Variants in ITGB3BP observed in about 807,000 individuals in gnomAD.
ITGB3BP encodes centromere protein R.
ITGB3BP carries 27 observed loss-of-function variants against 29.1 expected under a neutral mutation model. The observed-to-expected ratio is 0.93, with a 90% CI of 0.68 to 1.28. The LOEUF (loss-of-function observed/expected upper bound fraction) is 1.28, where lower values mean the gene tolerates loss of function less well. Ranked by LOEUF, ITGB3BP falls within the 50% of genes most tolerant of loss-of-function variation. The pLI is 0.00. For missense variants in ITGB3BP, 192 were observed against 200.2 expected (o/e 0.96, Z 0.25); for synonymous variants, 61 against 61.4 (o/e 0.99, Z 0.03).
At chr1:63,524,405 G>T (rs760638168), upstream of ITGB3BP, among the ~76,000 whole-genome samples, 30 of 152,080 alleles carry the variant, frequency 2.0e-4, no homozygotes, top group Non-Finnish European at 3.2e-4. Context: ...TCAGGCAGGC[G>T]GCCTGCGTAT....
At chr1:63,484,851 C>A (rs549237817) in intron 3 of ITGB3BP, among the ~76,000 whole-genome samples, 34 of 151,916 alleles carry the variant, frequency 2.2e-4, no homozygotes, top group Non-Finnish European at 4.4e-4. Context: ...TCAGTTTCTC[C>A]CTTGTTATCC....
chr1:63,472,244 A>G (rs897928733), intron 4 of ITGB3BP, among the ~76,000 whole-genome samples: 2 of 151,822 alleles, frequency 1.3e-5, no homozygotes, highest in African/African-American at 2.4e-5. Context: ...AAATTTGTAT[A>G]GTGTAGGACC....
At chr1:63,515,373 T>C (rs1646292213) in intron 1 of ITGB3BP, among the ~76,000 whole-genome samples, 1 of 152,188 alleles carries the variant, frequency 6.6e-6, no homozygotes, top group South Asian at 2.1e-4. Flanking sequence ...ATTGAGTTCA[T>C]TACCAACACT....
chr1:63,525,532 C>T, upstream of ITGB3BP: 3 of 1,398,060 alleles, frequency 2.1e-6, no homozygotes, highest in Middle Eastern at 1.9e-4. Context: ...GTTTTAGTGA[C>T]TCACATTGAC....
intron 1 of ITGB3BP, chr1:63,509,954 A>G: frequency 2.5e-6 from 1 of 400,638 alleles, no homozygotes; most frequent in South Asian, 9.0e-5. Context: ...GTACTTTGGA[A>G]GGCTGAGGTG....
At chr1:63,527,472 C>A (rs1395642939), upstream of ITGB3BP, among the ~76,000 whole-genome samples, 2 of 151,996 alleles carry the variant, frequency 1.3e-5, no homozygotes, top group Non-Finnish European at 2.9e-5. Context: ...TCAGAGACAG[C>A]GGTAGCATTA....
At chr1:63,522,816 C>G (rs1021585520) in intron 1 of ITGB3BP, 5 of 456,916 alleles carry the variant, frequency 1.1e-5, no homozygotes, top group African/African-American at 2.0e-5. Flanking sequence ...GTGTTTTCAT[C>G]TACTCTGTCC....
chr1:63,462,218 GTATTT>G (rs1413614828), intron 4 of ITGB3BP, among the ~76,000 whole-genome samples: 1 of 152,098 alleles, frequency 6.6e-6, no homozygotes. Flanking sequence ...TTATTCCTGT[GTATTT>G]TATCCTTTCA....
intron 3 of ITGB3BP, among the ~76,000 whole-genome samples, chr1:63,479,307 G>A (rs1180900585): frequency 6.6e-6 from 1 of 151,996 alleles, no homozygotes; most frequent in Non-Finnish European, 1.5e-5. Context: ...TTTGATTTTA[G>A]GGGTAAAAGT....
chr1:63,455,585 C>T (rs914026375), intron 4 of ITGB3BP, among the ~76,000 whole-genome samples: 10 of 152,148 alleles, frequency 6.6e-5, no homozygotes, highest in Admixed American at 6.5e-4. Flanking sequence ...ACTGTGATTA[C>T]AGGTGTGAGC....
intron 2 of ITGB3BP, among the ~76,000 whole-genome samples, chr1:63,494,750 T>C (rs1466593472): frequency 6.6e-6 from 1 of 152,190 alleles, no homozygotes; most frequent in Non-Finnish European, 1.5e-5. Flanking sequence ...TTTAAAGATA[T>C]TAAGATATTA....
intron 2 of ITGB3BP, among the ~76,000 whole-genome samples, chr1:63,493,088 A>ACACACGCGCGCG (rs372348238): frequency 8.3e-4 from 124 of 148,836 alleles, no homozygotes; most frequent in Admixed American, 1.1e-3. Context: ...ACACACACAC[A>ACACACGCGCGCG]CGCGCGCGCG....
intron 4 of ITGB3BP, among the ~76,000 whole-genome samples, chr1:63,477,725 A>T (rs1160650421): frequency 1.3e-5 from 2 of 152,138 alleles, no homozygotes; most frequent in African/African-American, 4.8e-5. Context: ...CAGGGAAAAA[A>T]AAAAAAAAGA....
chr1:63,499,240 C>T (rs551088470), intron 2 of ITGB3BP, among the ~76,000 whole-genome samples: 1 of 148,544 alleles, frequency 6.7e-6, no homozygotes, highest in Non-Finnish European at 1.5e-5. Flanking sequence ...CGGCTCACCG[C>T]AACCTCCGTA....
At chr1:63,441,480 C>T (rs530213241) in intron 8 of ITGB3BP, among the ~76,000 whole-genome samples, 5 of 152,190 alleles carry the variant, frequency 3.3e-5, no homozygotes, top group Non-Finnish European at 7.4e-5. Flanking sequence ...TCGTGATCTG[C>T]CCACCTCGGC....
intron 2 of ITGB3BP, among the ~76,000 whole-genome samples, chr1:63,498,235 C>G (rs1246006126): frequency 6.6e-6 from 1 of 152,076 alleles, no homozygotes; most frequent in African/African-American, 2.4e-5. Context: ...GAACCCTCCC[C>G]CAACAACAGC....
chr1:63,454,527 G>A lies in ITGB3BP; in HGVS notation c.334-54C>T. Reference sequence around the variant, plus strand: ...AGTTCTCTACACACATGAGATTACTGACATGTCTAGTGAAAATACAGTATA... The same window carrying A: ...AGTTCTCTACACACATGAGATTACTAACATGTCTAGTGAAAATACAGTATA... On this transcript the variant is annotated intron_variant, in intron 5 of 8. Transcript: ENST00000271002. This position sits in a 1 kb window ranked among gnomAD's most constrained non-coding sequence, Gnocchi z 4.1. The A allele has an allele frequency of 1.3e-6, 1 of 797,930 alleles. No individual in the cohort carries two copies. The highest frequency in any genetic ancestry group is 2.6e-5 in the East Asian group (1 of 38,318). The allele number at this position is 797,930 out of a possible 1,614,324, so 49.4% of individuals were successfully genotyped here.
chr1:63,522,824 T>C, intron 1 of ITGB3BP: 4 of 509,972 alleles, frequency 7.8e-6, no homozygotes, highest in South Asian at 6.9e-5. Flanking sequence ...ATCTACTCTG[T>C]CCCATCCTGT....
chr1:63,498,965 G>A (rs1645857174), intron 2 of ITGB3BP, among the ~76,000 whole-genome samples: 1 of 152,194 alleles, frequency 6.6e-6, no homozygotes, highest in East Asian at 1.9e-4. Context: ...CCAACTGCAT[G>A]CTAACAAATT....
Sources: allele counts gnomAD v4.1 joint callset (sites outside exome capture counted in the v4.1 genomes callset), GRCh38; gene constraint gnomAD v4.1.1; non-coding constraint Gnocchi (gnomAD v3.1); transcripts MANE v1.5; gene names NCBI Gene and HGNC (gene_info 2026-07-23, HGNC 2026-07-21).